FNTB: variants seen among roughly 807,000 people sequenced by gnomAD.
The protein encoded by FNTB is farnesyltransferase, CAAX box, subunit beta.
Under a neutral mutation model 59.4 loss-of-function variants are expected in FNTB, and 27 were observed. The observed-to-expected ratio is 0.45, with a 90% CI of 0.34 to 0.63. The LOEUF (loss-of-function observed/expected upper bound fraction) is 0.63. FNTB is among the 20% of genes least tolerant of loss of function. The pLI, the probability that FNTB is intolerant of heterozygous loss-of-function variation, is 0.02. For missense variants in FNTB, 449 were observed against 559.6 expected, an observed-to-expected ratio of 0.80 and a Z score of 1.99; for synonymous variants, 230 against 220.7, an observed-to-expected ratio of 1.04 and a Z score of -0.37.
At chr14:65,046,248 T>G (rs1212499186) in intron 9 of FNTB, among the ~76,000 whole-genome samples, 1 of 152,194 alleles carries the variant, frequency 6.6e-6, no homozygotes, top group Non-Finnish European at 1.5e-5. Flanking sequence ...AGTGCTGGGA[T>G]TACAGGCGTG....
intron 1 of FNTB, chr14:64,987,325 G>T: frequency 1.7e-6 from 1 of 590,134 alleles, no homozygotes. Flanking sequence ...TTGGAGGAGA[G>T]GGCAGTAGCC....
chr14:65,000,097 G>C (rs1388007847), intron 1 of FNTB, among the ~76,000 whole-genome samples: 1 of 152,202 alleles, frequency 6.6e-6, no homozygotes, highest in African/African-American at 2.4e-5. Context: ...GTGCCAGAAT[G>C]CCAAGGGGAA....
rs2061892040 is a variant in FNTB at position 65,021,846 on chromosome 14, A to T, written c.375-5607A>T. 78 of 438,424 alleles carry T rather than the reference A, an allele frequency of 1.8e-4. 1 individual carries two copies. Among genetic ancestry groups the T allele is most frequent in the South Asian group, 1.2e-3 (76 of 63,034 alleles). 27.2% of individuals were successfully genotyped at this position (438,424 alleles called of 1,614,324 possible). A position where few individuals can be genotyped will look rare whatever the true frequency, so the allele number is the denominator to read the frequency against. On this transcript the variant is annotated intron_variant, in intron 4 of 11. Coordinates refer to ENST00000246166, the MANE Select transcript of FNTB (RefSeq NM_002028.4). ...TTTTTAGTAGAGATGGGGTTTCACCATGTTGGCCAGGCTGGTCTCAAACTC... is the reference window on the plus strand; with the variant it reads ...TTTTTAGTAGAGATGGGGTTTCACCTTGTTGGCCAGGCTGGTCTCAAACTC...
rs907745794 is a variant in FNTB at position 65,016,924 on chromosome 14, T to G, written c.374+1208T>G. On this transcript the variant is annotated intron_variant, in intron 4 of 11. Coordinates refer to ENST00000246166, the MANE Select transcript of FNTB (RefSeq NM_002028.4). Reference sequence around the variant, plus strand: ...TGTCAAAGAAAGGCCCACGTGGTTTTTTTTTTTTTTTTTTTTGAGACAGAG... The same window carrying G: ...TGTCAAAGAAAGGCCCACGTGGTTTGTTTTTTTTTTTTTTTTGAGACAGAG... Among the ~76,000 whole-genome samples the G allele has an allele frequency of 2.1e-5, 3 of 144,880 alleles. No homozygotes were observed. In the Admixed American group the frequency reaches 2.1e-4, roughly 10 times the overall value.
intron 11 of FNTB, among the ~76,000 whole-genome samples, chr14:65,059,336 T>C (rs1284355614): frequency 6.6e-6 from 1 of 152,034 alleles, no homozygotes; most frequent in African/African-American, 2.4e-5. Context: ...CTAGCCCCTT[T>C]TTTTTTTTCA....
chr14:64,988,625 G>A (rs867470463), intron 1 of FNTB, among the ~76,000 whole-genome samples: 1 of 151,884 alleles, frequency 6.6e-6, no homozygotes, highest in African/African-American at 2.4e-5. Context: ...GTAGAGACAG[G>A]TTTCACCATG....
chr14:65,018,875 A>G (rs1342809354), intron 4 of FNTB, among the ~76,000 whole-genome samples: 4 of 151,266 alleles, frequency 2.6e-5, no homozygotes, highest in African/African-American at 9.7e-5. Context: ...CTTTGGGAGA[A>G]CGAAGTGGGT....
Position 65,023,161 on chromosome 14 carries a change from T to G in FNTB, c.375-4292T>G, listed in dbSNP as rs2061919087. On this transcript the variant is annotated intron_variant, in intron 4 of 11. Transcript: ENST00000246166. The surrounding 1 kb of genome is among the most constrained non-coding windows in gnomAD (Gnocchi z 4.1). ...CAACCTGGACTTCCCCAAGCTCAAG[T>G]GATCCTCCCACCTCAGCCTCCTGAG... Among the ~76,000 whole-genome samples, 1 of 152,194 alleles carries G rather than the reference T, an allele frequency of 6.6e-6. No homozygotes were observed. The highest frequency in any genetic ancestry group is 2.4e-5 in the African/African-American group (1 of 41,448).
chr14:65,003,123 G>A (rs1292048490), intron 1 of FNTB, among the ~76,000 whole-genome samples: 1 of 152,248 alleles, frequency 6.6e-6, no homozygotes, highest in African/African-American at 2.4e-5. Context: ...ATTATGGTGT[G>A]GTCTTCAGAA....
intron 8 of FNTB, among the ~76,000 whole-genome samples, chr14:65,042,414 G>A (rs2062373476): frequency 6.6e-6 from 1 of 152,192 alleles, no homozygotes; most frequent in Non-Finnish European, 1.5e-5. Flanking sequence ...CTCATGTAGA[G>A]CGTGCAACCT....
chr14:64,989,043 C>G (rs1373888580), intron 1 of FNTB, among the ~76,000 whole-genome samples: 3 of 152,080 alleles, frequency 2.0e-5, no homozygotes, highest in Non-Finnish European at 2.9e-5. Context: ...ATGATACATT[C>G]ATCAAAAGTA....
chr14:65,055,875 T>C lies in FNTB; in HGVS notation c.1182+1186T>C, dbSNP rs142604068. On this transcript the variant is annotated intron_variant, in intron 11 of 11. Coordinates refer to ENST00000246166, the MANE Select transcript of FNTB (RefSeq NM_002028.4). Reference sequence around the variant, plus strand: ...AAATGGAAGAAACACAAATGGCCAATAGATAGTTGAAAAGATGCTCAACCT... The same window carrying C: ...AAATGGAAGAAACACAAATGGCCAACAGATAGTTGAAAAGATGCTCAACCT... Among the ~76,000 whole-genome samples, 530 of 152,324 alleles carry C rather than the reference T, an allele frequency of 3.5e-3. 5 individuals carry two copies. The highest frequency in any genetic ancestry group is 0.012 in the African/African-American group (513 of 41,576).
At chr14:65,015,524 C>A in intron 3 of FNTB, 101 bp from the exon 4 acceptor site, 1 of 1,208,006 alleles carries the variant, frequency 8.3e-7, no homozygotes, top group East Asian at 2.5e-5. Flanking sequence ...TGCCCTCCTC[C>A]CCCTTGCCAG....
chr14:64,989,395 C>T (rs113630690), intron 1 of FNTB, among the ~76,000 whole-genome samples: 7 of 151,090 alleles, frequency 4.6e-5, no homozygotes, highest in African/African-American at 1.2e-4. Flanking sequence ...GAGCCATGAT[C>T]GAGCCACGGT....
At chr14:65,042,533 G>A (rs2062375994) in intron 8 of FNTB, among the ~76,000 whole-genome samples, 1 of 152,150 alleles carries the variant, frequency 6.6e-6, no homozygotes, top group Admixed American at 6.5e-5. Flanking sequence ...GAGCAGTGAG[G>A]AGCAGCTGTA....
chr14:65,019,750 C>T (rs1225694040), intron 4 of FNTB, among the ~76,000 whole-genome samples: 1 of 152,070 alleles, frequency 6.6e-6, no homozygotes, highest in Non-Finnish European at 1.5e-5. Context: ...TTGCTTTGTG[C>T]CTAGGAGGTG....
Position 65,053,303 on chromosome 14 carries a change from A to G in FNTB, c.1021A>G (p.Met341Val). 1 of 1,460,824 alleles carries G rather than the reference A, an allele frequency of 6.8e-7. No homozygotes were observed. Among genetic ancestry groups the G allele is most frequent in the Non-Finnish European group, 9.1e-7 (1 of 1,098,812 alleles). The allele number at this position is 1,460,824 out of a possible 1,614,324, so 90.5% of individuals were successfully genotyped here. Reference protein sequence around the residue: ...HQQALQEYILMCCQCPAGGLL... With the variant: ...HQQALQEYILVCCQCPAGGLL... ...GCAGGCCCTGCAGGAGTACATCCTG[A>G]TGTGCTGCCAGTGCCCTGCGGGGGG... The change falls in exon 10 of 12, where the codon ATG (methionine) becomes GTG (valine). Residue 341 changes from methionine (M) to valine (V), a missense_variant. Physicochemically the swap from Met to Val is conservative, Grantham distance 21. Coordinates refer to ENST00000246166, the MANE Select transcript of FNTB (RefSeq NM_002028.4).
In FNTB at chr14:65,012,404, C is replaced by T. The variant is rs1322041309; in HGVS notation, c.282+15C>T. The T allele has an allele frequency of 6.2e-7, 1 of 1,613,978 alleles. No individual in the cohort carries two copies. The highest frequency in any genetic ancestry group is 8.5e-7 in the Non-Finnish European group (1 of 1,179,862). ...ATGCCTATGAGGTAAACACATTACC[C>T]AGGAACTCTTGCTGTCAAATTATCC... On this transcript the variant is annotated intron_variant, in intron 3 of 11. Transcript: ENST00000246166. This position sits in a 1 kb window ranked among gnomAD's most constrained non-coding sequence, Gnocchi z 5.0.
At chr14:65,051,719 C>A (rs1013928734) in intron 9 of FNTB, among the ~76,000 whole-genome samples, 4 of 151,790 alleles carry the variant, frequency 2.6e-5, no homozygotes, top group African/African-American at 9.7e-5. Flanking sequence ...TCTTTTCCCC[C>A]GTTTTTCTTT....
Sources: gnomAD v4.1 joint callset for allele counts (sites outside exome capture counted in the v4.1 genomes callset) on GRCh38, gnomAD v4.1.1 for gene constraint, Gnocchi (gnomAD v3.1) non-coding constraint, MANE v1.5 for transcripts, NCBI Gene and HGNC (gene_info 2026-07-23, HGNC 2026-07-21) for gene names.